LRPPRC: variants seen among roughly 807,000 people sequenced by gnomAD.
LRPPRC encodes the protein leucine rich pentatricopeptide repeat containing.
A neutral mutation model predicts 180.3 loss-of-function variants in LRPPRC; 120 were observed. The observed-to-expected ratio is 0.67, with a 90% CI of 0.57 to 0.77. The LOEUF (loss-of-function observed/expected upper bound fraction) is 0.77, where lower values mean the gene tolerates loss of function less well. Ranked by LOEUF, LRPPRC falls within the 30% of genes least tolerant of loss-of-function variation. The probability of loss-of-function intolerance (pLI) is 0.00; values close to 1 mark genes in which losing one functional copy is unlikely to be tolerated. For synonymous variants in LRPPRC, 723 were observed against 600.0 expected (o/e 1.21, Z -3.00); for missense variants, 2,012 against 1,657.2 (o/e 1.21, Z -3.72).
intron 12 of LRPPRC, among the ~76,000 whole-genome samples, chr2:43,961,684 G>A (rs1673352896): frequency 6.6e-6 from 1 of 152,136 alleles, no homozygotes; most frequent in African/African-American, 2.4e-5. Context: ...TATCAGGTAG[G>A]GCGCAGTGGC....
At chr2:43,908,783 T>C (rs1016560718) in intron 30 of LRPPRC, among the ~76,000 whole-genome samples, 6 of 152,164 alleles carry the variant, frequency 3.9e-5, no homozygotes, top group Admixed American at 3.3e-4. Context: ...TGCCTCTGTC[T>C]CCCAAAGTGC....
intron 30 of LRPPRC, among the ~76,000 whole-genome samples, chr2:43,908,716 AG>A (rs1671149836): frequency 2.0e-5 from 3 of 152,084 alleles, no homozygotes; most frequent in African/African-American, 2.4e-5. Flanking sequence ...TAGTAGAGAC[AG>A]GGTTTCACCA....
At position 43,960,520 on chromosome 2, in the gene LRPPRC, C is replaced by T. The variant is rs757001591; in HGVS notation, c.1582+21G>A. The T allele has an allele frequency of 1.4e-5, 18 of 1,258,284 alleles. No individual in the cohort carries two copies. The Middle Eastern group carries it at 9.3e-4, about 65-fold the overall frequency. 77.9% of individuals were successfully genotyped at this position (1,258,284 alleles called of 1,614,324 possible). ...CTGAAATAAACATCTATCAAGTTTA[C>T]CGCTAATGTTGTATACTTACAAAAT... On this transcript the variant is annotated intron_variant, in intron 13 of 37. Transcript: ENST00000260665.
At chr2:43,993,859 G>C (rs1040655105) in intron 1 of LRPPRC, among the ~76,000 whole-genome samples, 1 of 152,092 alleles carries the variant, frequency 6.6e-6, no homozygotes, top group Admixed American at 6.6e-5. Flanking sequence ...TCCCTGAAGA[G>C]ACATTTGAGA....
chr2:43,895,786 A>C (rs1471871700), intron 35 of LRPPRC, among the ~76,000 whole-genome samples: 1 of 152,212 alleles, frequency 6.6e-6, no homozygotes, highest in African/African-American at 2.4e-5. Context: ...GAAACTTCAT[A>C]AAGAACCCAA....
In LRPPRC at chr2:43,949,659, T is replaced by C; in HGVS notation, c.1678A>G (p.Ile560Val). 3 of 1,612,754 alleles carry C rather than the reference T, an allele frequency of 1.9e-6. No individual in the cohort carries two copies. Among genetic ancestry groups the C allele is most frequent in the Non-Finnish European group, 1.7e-6 (2 of 1,178,830 alleles). ...CCATCCTTGTACAACAATTCTGTTA[T>C]CTGGTAAGACAGAAAATTCGTGCAT... The part of the protein sequence containing the change: ...RSMNINLWSE[I>V]TELLYKDGRY... The change falls in exon 16 of 38, where the codon ATA becomes GTA. Residue 560 changes from isoleucine to valine, a missense_variant and splice_region_variant. Coordinates refer to ENST00000260665, the MANE Select transcript of LRPPRC (RefSeq NM_133259.4).
In LRPPRC at chr2:43,890,088, A is replaced by G. The variant is rs547067733; in HGVS notation, c.3986-212T>C. 3.3e-6 allele frequency: 2 copies of G among 599,356 alleles called. 1 individual carries two copies. The highest frequency in any genetic ancestry group is 6.0e-5 in the Admixed American group (2 of 33,480). 37.1% of individuals were successfully genotyped at this position (599,356 alleles called of 1,614,324 possible). A position where few individuals can be genotyped will look rare whatever the true frequency, so the allele number is the denominator to read the frequency against. On this transcript the variant is annotated intron_variant, in intron 36 of 37. Transcript: ENST00000260665. ...CATCACTCACTTTGAAGGAGAAGAA[A>G]ATGACAAATATGGCTACATTTAAAG...
chr2:43,986,459 C>CT (rs1674530790), intron 1 of LRPPRC, among the ~76,000 whole-genome samples: 1 of 152,150 alleles, frequency 6.6e-6, no homozygotes, highest in African/African-American at 2.4e-5. Context: ...CTTCTCTCCA[C>CT]TTTTTTTCTT....
At chr2:43,914,677 A>G (rs1433537333) in intron 29 of LRPPRC, among the ~76,000 whole-genome samples, 1 of 151,904 alleles carries the variant, frequency 6.6e-6, no homozygotes, top group Non-Finnish European at 1.5e-5. Context: ...GCAGTGAGCT[A>G]AGATTTGCGC....
At chr2:43,900,774 C>T (rs939931641) in intron 32 of LRPPRC, among the ~76,000 whole-genome samples, 3 of 152,026 alleles carry the variant, frequency 2.0e-5, no homozygotes, top group Middle Eastern at 3.2e-3. Context: ...TGCTAGGGAG[C>T]TTATTAAAAA....
chr2:43,904,610 T>TGAGG (rs1670999128), intron 31 of LRPPRC: 1 of 151,466 alleles, frequency 6.6e-6, no homozygotes, highest in African/African-American at 2.4e-5. Flanking sequence ...GGAGAATCGC[T>TGAGG]TGAACCCAGG....
rs748019881 is a variant in LRPPRC at position 43,933,507 on chromosome 2, C to A, written c.2736+683G>T. On this transcript the variant is annotated intron_variant, in intron 25 of 37. Transcript: ENST00000260665. ...CTTAAGGCAATGGGTCCATCTTCTG[C>A]GGAATGTTTTGTTTTCTTAGTGGAC... 4.6e-5 allele frequency among the ~76,000 whole-genome samples: 7 copies of A among 152,178 alleles called. No homozygotes were observed. In the East Asian group the frequency reaches 1.2e-3, roughly 25 times the overall value.
intron 30 of LRPPRC, among the ~76,000 whole-genome samples, chr2:43,907,310 A>T (rs570636630): frequency 8.5e-5 from 13 of 152,342 alleles, no homozygotes; most frequent in South Asian, 2.1e-4. Flanking sequence ...CATATGTAGA[A>T]ACTGACCAAT....
chr2:43,916,631 G>A (rs998935946), intron 29 of LRPPRC, among the ~76,000 whole-genome samples: 10 of 152,134 alleles, frequency 6.6e-5, no homozygotes, highest in Admixed American at 2.0e-4. Flanking sequence ...CATTTATTAC[G>A]AAAAATTTCA....
At position 43,995,985 on chromosome 2, in the gene LRPPRC, A is replaced by G; in HGVS notation, c.-38T>C. The G allele has an allele frequency of 3.3e-6, 5 of 1,522,808 alleles. No homozygotes were observed. The highest frequency in any genetic ancestry group is 4.4e-6 in the Non-Finnish European group (5 of 1,141,404). 94.3% of individuals were successfully genotyped at this position (1,522,808 alleles called of 1,614,324 possible). On this transcript the variant is annotated 5_prime_UTR_variant, in exon 1 of 38. Transcript: ENST00000260665. Reference sequence around the variant, plus strand: ...CCCGCAGCGGGAAGCACGCTCCGCCAGAAGGACAGGAGGAGCATGTGACCG... The same window carrying G: ...CCCGCAGCGGGAAGCACGCTCCGCCGGAAGGACAGGAGGAGCATGTGACCG...
chr2:43,955,488 AAAAAG>A (rs1184237490), intron 14 of LRPPRC, among the ~76,000 whole-genome samples: 30 of 151,592 alleles, frequency 2.0e-4, no homozygotes, highest in Non-Finnish European at 4.3e-4. Flanking sequence ...AAAAAAAAAA[AAAAAG>A]AAAAGAAAAT....
In LRPPRC at chr2:43,973,837, G is replaced by C. The variant is rs368164663; in HGVS notation, c.1219C>G (p.Leu407Val). Reference protein sequence around the residue: ...LKEVQMHSFPLQFTLHCALLA... With the variant: ...LKEVQMHSFPVQFTLHCALLA... ...AAAGCACAATGGAGGGTGAACTGCA[G>C]AGGAAAGGAGTGCATCTGGACTTCC... Residue 407 changes from leucine (L) to valine (V), a missense_variant, in exon 10 of 38, where the codon CTG (leucine) becomes GTG (valine). Transcript: ENST00000260665. 3.7e-5 allele frequency: 59 copies of C among 1,613,718 alleles called. No homozygotes were observed. The highest frequency in any genetic ancestry group is 4.8e-5 in the Non-Finnish European group (57 of 1,179,756).
At chr2:43,951,145 C>T (rs1672887771) in intron 14 of LRPPRC, among the ~76,000 whole-genome samples, 3 of 152,130 alleles carry the variant, frequency 2.0e-5, no homozygotes, top group Admixed American at 6.5e-5. Flanking sequence ...ACACCTGGAC[C>T]GGGTGATCAA....
intron 13 of LRPPRC, 21 bp from the exon 14 acceptor site, chr2:43,957,472 C>T: frequency 6.3e-7 from 1 of 1,581,272 alleles, no homozygotes; most frequent in Non-Finnish European, 8.7e-7. Context: ...AAATGACCAT[C>T]ATTAAATCTC....
Sources: gnomAD v4.1 joint callset for allele counts (sites outside exome capture counted in the v4.1 genomes callset) on GRCh38, gnomAD v4.1.1 for gene constraint, MANE v1.5 for transcripts, NCBI Gene and HGNC (gene_info 2026-07-23, HGNC 2026-07-21) for gene names.